The following SATB1 variants were observed in gnomAD, a reference collection of about 807,000 sequenced individuals.
The protein encoded by SATB1 is DNA-binding protein SATB1.
A neutral mutation model predicts 86.9 loss-of-function variants in SATB1; 11 were observed. The observed-to-expected ratio is 0.13, with a 90% CI of 0.08 to 0.21. The LOEUF is 0.21. Ranked by LOEUF, SATB1 falls within the 10% of genes least tolerant of loss-of-function variation. SATB1 has a pLI of 1.00. For missense variants in SATB1, 551 were observed against 937.6 expected, an observed-to-expected ratio of 0.59 and a Z score of 5.39; for synonymous variants, 357 against 357.2, an observed-to-expected ratio of 1.00 and a Z score of 0.01.
Position 18,376,425 on chromosome 3 carries a change from T to G in SATB1, c.1575+1745A>C, listed in dbSNP as rs1378730805. ...TTGGAGATTTAGGGAAACAGGCTTT[T>G]GTAGGAATGCAGTCTGATTATTACT... On this transcript the variant is annotated intron_variant, in intron 9 of 10. Coordinates refer to ENST00000338745, the MANE Select transcript of SATB1 (RefSeq NM_002971.6). Among the ~76,000 whole-genome samples, 6 of 152,024 alleles carry G rather than the reference T, an allele frequency of 3.9e-5. No individual in the cohort carries two copies. The East Asian group carries it at 1.2e-3, about 29-fold the overall frequency.
At chr3:18,366,424 C>T (rs1251660698) in intron 9 of SATB1, among the ~76,000 whole-genome samples, 1 of 149,146 alleles carries the variant, frequency 6.7e-6, no homozygotes, top group Non-Finnish European at 1.5e-5. Flanking sequence ...TTTAATGTGC[C>T]AGAAAAAAAC....
intron 7 of SATB1, among the ~76,000 whole-genome samples, chr3:18,390,715 T>C (rs1275637853): frequency 6.6e-6 from 1 of 152,136 alleles, no homozygotes; most frequent in African/African-American, 2.4e-5. Context: ...TCCATCTTCA[T>C]TCTTTATTTT....
intron 9 of SATB1, among the ~76,000 whole-genome samples, chr3:18,354,890 G>T (rs1281289916): frequency 6.6e-6 from 1 of 152,038 alleles, no homozygotes; most frequent in Non-Finnish European, 1.5e-5. Context: ...TCACTTCTGT[G>T]TCTCTAGACT....
intron 9 of SATB1, among the ~76,000 whole-genome samples, chr3:18,375,181 G>T (rs371000545): frequency 6.6e-6 from 1 of 152,110 alleles, no homozygotes; most frequent in East Asian, 1.9e-4. Flanking sequence ...CTCAGATCAG[G>T]GTAGTACTTC....
At chr3:18,409,910 C>G (rs1697746125) in intron 5 of SATB1, among the ~76,000 whole-genome samples, 1 of 152,044 alleles carries the variant, frequency 6.6e-6, no homozygotes, top group Non-Finnish European at 1.5e-5. Context: ...CCAAGAAATT[C>G]ATCTGCCCAC....
At chr3:18,387,451 G>T (rs1470135724) in intron 7 of SATB1, among the ~76,000 whole-genome samples, 1 of 152,122 alleles carries the variant, frequency 6.6e-6, no homozygotes, top group East Asian at 1.9e-4. Flanking sequence ...TAAATCATTA[G>T]AAAACTCTTA....
chr3:18,358,310 G>T (rs1186206497), intron 9 of SATB1, among the ~76,000 whole-genome samples: 2 of 151,828 alleles, frequency 1.3e-5, no homozygotes, highest in Non-Finnish European at 2.9e-5. Flanking sequence ...ACCTTTAAAT[G>T]TTATGAAGTT....
chr3:18,428,333 C>T (rs9854069), upstream of SATB1, among the ~76,000 whole-genome samples: 1,551 of 152,238 alleles, frequency 0.01, 29 homozygotes, highest in African/African-American at 0.036. Context: ...AATCCATTAA[C>T]CCATTAATCC....
At chr3:18,395,871 C>T (rs892992742) in intron 6 of SATB1, among the ~76,000 whole-genome samples, 1 of 152,140 alleles carries the variant, frequency 6.6e-6, no homozygotes, top group Non-Finnish European at 1.5e-5. Flanking sequence ...GAGACTGGTT[C>T]GATGCTCTTG....
intron 2 of SATB1, among the ~76,000 whole-genome samples, chr3:18,419,946 A>C (rs753023770): frequency 7.9e-5 from 12 of 152,210 alleles, no homozygotes; most frequent in Non-Finnish European, 1.8e-4. Context: ...TATCTACTTA[A>C]TATTCTTGGT....
intron 2 of SATB1, among the ~76,000 whole-genome samples, chr3:18,419,252 T>C (rs1212849115): frequency 6.6e-6 from 1 of 151,978 alleles, no homozygotes; most frequent in Non-Finnish European, 1.5e-5. Flanking sequence ...ACACAAGCCT[T>C]TTCTGAACTG....
chr3:18,382,278 C>T (rs1160569092), intron 8 of SATB1, among the ~76,000 whole-genome samples: 3 of 151,854 alleles, frequency 2.0e-5, no homozygotes, highest in African/African-American at 7.3e-5. Context: ...TGAAGAATTA[C>T]ATAAAGAGAT....
rs574087726 is a variant in SATB1, at chr3:18,443,850, G to A, written c.-25+1668C>T. 9.8e-5 allele frequency among the ~76,000 whole-genome samples: 15 copies of A among 152,298 alleles called. No individual in the cohort carries two copies. The highest frequency in any genetic ancestry group is 3.6e-4 in the African/African-American group (15 of 41,566). On this transcript the variant is annotated intron_variant, in intron 1 of 3. Coordinates refer to the SATB1 transcript ENST00000415069. This position sits in a 1 kb window ranked among gnomAD's most constrained non-coding sequence, Gnocchi z 4.4. ...TGCTAAGAGGACGGCCCTTTCTTCT[G>A]CCTCTTGCCCAACTCCAAACCCACA...
Position 18,349,404 on chromosome 3 carries a change from C to T in SATB1, c.2058G>A (p.Lys686=). ...QTLSAQLDLP[K]YTIIKFFQNQ... Reference sequence around the variant, plus strand: ...TCTGAAAGAACTTGATGATGGTGTACTTGGGAAGGTCGAGCTGGGCAGACA... The same window carrying T: ...TCTGAAAGAACTTGATGATGGTGTATTTGGGAAGGTCGAGCTGGGCAGACA... Residue 686 remains lysine (K), a synonymous_variant, in exon 11 of 11, where the codon AAG becomes AAA. Transcript: ENST00000338745. This position sits in a 1 kb window ranked among gnomAD's most constrained non-coding sequence, Gnocchi z 5.5. The T allele has an allele frequency of 6.2e-7, 1 of 1,614,168 alleles. No individual in the cohort carries two copies. The highest frequency in any genetic ancestry group is 8.5e-7 in the Non-Finnish European group (1 of 1,180,032).
At chr3:18,378,976 C>G (rs759865676) in intron 8 of SATB1, among the ~76,000 whole-genome samples, 63 of 152,168 alleles carry the variant, frequency 4.1e-4, no homozygotes, top group Non-Finnish European at 2.9e-4. Flanking sequence ...TCATCTTTTC[C>G]TGGCACCCCT....
intron 8 of SATB1, among the ~76,000 whole-genome samples, chr3:18,384,035 T>A (rs572934547): frequency 7.2e-5 from 11 of 152,310 alleles, no homozygotes; most frequent in Admixed American, 7.2e-4. Context: ...TAGAAATGTT[T>A]TATTTGAAAG....
intron 9 of SATB1, among the ~76,000 whole-genome samples, chr3:18,364,347 C>A (rs989132771): frequency 6.6e-6 from 1 of 152,054 alleles, no homozygotes; most frequent in Non-Finnish European, 1.5e-5. Context: ...TTTATTAACA[C>A]ACTAAATAAC....
Position 18,386,694 on chromosome 3 carries a change from CTG to C in SATB1, c.1207-85_1207-84del, listed in dbSNP as rs1428139956. The stretch of plus-strand genomic sequence containing the variant: ...TGATCCTTCCCTTTTCTTCTCCACT[CTG>C]TTTAGAAAATGAACAGTCAGAGGCA... On this transcript the variant is annotated intron_variant, in intron 7 of 10. Transcript: ENST00000338745. The surrounding 1 kb of genome is among the most constrained non-coding windows in gnomAD (Gnocchi z 4.5). 22 of 1,118,454 alleles carry C rather than the reference CTG, an allele frequency of 2.0e-5. No individual in the cohort carries two copies. The highest frequency in any genetic ancestry group is 2.8e-5 in the Non-Finnish European group (21 of 744,814). The allele number at this position is 1,118,454 out of a possible 1,614,324, so 69.3% of individuals were successfully genotyped here.
At chr3:18,373,116 T>C (rs1427754848) in intron 9 of SATB1, among the ~76,000 whole-genome samples, 1 of 152,176 alleles carries the variant, frequency 6.6e-6, no homozygotes, top group Non-Finnish European at 1.5e-5. Context: ...CCTCTACACA[T>C]TTAGATGGAG....
Sources: allele counts gnomAD v4.1 joint callset (sites outside exome capture counted in the v4.1 genomes callset), GRCh38; gene constraint gnomAD v4.1.1; non-coding constraint Gnocchi (gnomAD v3.1); transcripts MANE v1.5; gene names NCBI Gene and HGNC (gene_info 2026-07-23, HGNC 2026-07-21).